The following RTKN2 variants were observed in gnomAD, a reference collection of about 807,000 sequenced individuals.
The protein encoded by RTKN2 is rhotekin-2.
RTKN2 carries 69 observed loss-of-function variants against 71.5 expected under a neutral mutation model. The observed-to-expected ratio is 0.96, with a 90% CI of 0.79 to 1.18. RTKN2 has a LOEUF of 1.18. Ranked by LOEUF, RTKN2 falls within the 50% of genes most tolerant of loss-of-function variation. The probability of loss-of-function intolerance (pLI) is 0.00; values close to 1 mark genes in which losing one functional copy is unlikely to be tolerated. For synonymous variants in RTKN2, 236 were observed against 236.5 expected, an observed-to-expected ratio of 1.00 and a Z score of 0.02; for missense variants, 724 against 719.7, an observed-to-expected ratio of 1.01 and a Z score of -0.07.
downstream of RTKN2, among the ~76,000 whole-genome samples, chr10:62,192,622 C>A (rs1158989703): frequency 6.6e-6 from 1 of 152,206 alleles, no homozygotes; most frequent in Non-Finnish European, 1.5e-5. Flanking sequence ...TTGGGAGCAG[C>A]TGAAATAGTC....
chr10:62,184,918 C>T (rs903580498), intron 8 of RTKN2, among the ~76,000 whole-genome samples: 1 of 152,134 alleles, frequency 6.6e-6, no homozygotes, highest in Non-Finnish European at 1.5e-5. Flanking sequence ...TTGCCTGAAG[C>T]TCAATTAGAA....
At chr10:62,218,914 A>C (rs941567965) in intron 7 of RTKN2, among the ~76,000 whole-genome samples, 5 of 152,164 alleles carry the variant, frequency 3.3e-5, no homozygotes, top group African/African-American at 1.2e-4. Flanking sequence ...TGAGCCCAGG[A>C]GGCGGAGGTT....
In RTKN2 at chr10:62,195,448, A is replaced by AT. The variant is rs534758148; in HGVS notation, c.*2459dup. On this transcript the variant is annotated 3_prime_UTR_variant, in exon 12 of 12. Transcript: ENST00000373789. ...TGACACAGTGCTTAACTATTTTTAG[A>AT]TTTTTTTTTTAAACTGTAAAGGAAG... is the stretch of plus-strand genomic sequence containing the variant. 6.9e-4 allele frequency: 644 copies of AT among 931,174 alleles called. No homozygotes were observed. The highest frequency in any genetic ancestry group is 1.4e-3 in the South Asian group (27 of 19,636). 57.7% of individuals were successfully genotyped at this position (931,174 alleles called of 1,614,324 possible).
chr10:62,211,005 CTAAA>C (rs1841648255), intron 9 of RTKN2, among the ~76,000 whole-genome samples: 1 of 152,044 alleles, frequency 6.6e-6, no homozygotes. Flanking sequence ...GTCTACTACA[CTAAA>C]TAGTGTTATT....
At chr10:62,255,264 A>G (rs1334884327) in intron 2 of RTKN2, among the ~76,000 whole-genome samples, 1 of 152,188 alleles carries the variant, frequency 6.6e-6, no homozygotes. Flanking sequence ...ATGTCCACTG[A>G]AAAAGCCTAG....
At chr10:62,228,021 A>G (rs1311896342) in intron 6 of RTKN2, among the ~76,000 whole-genome samples, 1 of 152,204 alleles carries the variant, frequency 6.6e-6, no homozygotes, top group African/African-American at 2.4e-5. Flanking sequence ...AATAAGTTTA[A>G]GACTGTTTTT....
intron 5 of RTKN2, among the ~76,000 whole-genome samples, chr10:62,237,482 A>G (rs958034922): frequency 2.0e-5 from 3 of 152,056 alleles, no homozygotes; most frequent in South Asian, 4.1e-4. Context: ...AATTTAACCA[A>G]TATATACATA....
chr10:62,254,413 A>G (rs1429247976), intron 2 of RTKN2, among the ~76,000 whole-genome samples: 1 of 152,166 alleles, frequency 6.6e-6, no homozygotes, highest in Non-Finnish European at 1.5e-5. Context: ...CCTCCAAGCC[A>G]TGCTTCCTGT....
chr10:62,266,095 C>A (rs946166472), intron 1 of RTKN2, among the ~76,000 whole-genome samples: 10 of 152,178 alleles, frequency 6.6e-5, no homozygotes, highest in Non-Finnish European at 1.3e-4. Context: ...TGCCTCTAAT[C>A]AAGTCAAACA....
intron 6 of RTKN2, among the ~76,000 whole-genome samples, chr10:62,228,983 A>C (rs142004763): frequency 6.6e-6 from 1 of 152,188 alleles, no homozygotes; most frequent in Non-Finnish European, 1.5e-5. Flanking sequence ...AGACTATAGA[A>C]ACAGTAGAAT....
chr10:62,266,367 A>C (rs957664205), intron 1 of RTKN2, among the ~76,000 whole-genome samples: 33 of 152,202 alleles, frequency 2.2e-4, no homozygotes, highest in African/African-American at 7.5e-4. Context: ...TCAAGACAGA[A>C]ACTATGATTC....
At chr10:62,266,150 G>C (rs1842865147) in intron 1 of RTKN2, among the ~76,000 whole-genome samples, 1 of 152,194 alleles carries the variant, frequency 6.6e-6, no homozygotes, top group Non-Finnish European at 1.5e-5. Flanking sequence ...TTAAAGTCAG[G>C]CTGATAAAAA....
At chr10:62,237,952 T>A (rs1393947973) in intron 5 of RTKN2, among the ~76,000 whole-genome samples, 2 of 151,854 alleles carry the variant, frequency 1.3e-5, no homozygotes, top group Non-Finnish European at 2.9e-5. Flanking sequence ...CGAACTACCT[T>A]TGAACTACCT....
intron 1 of RTKN2, among the ~76,000 whole-genome samples, chr10:62,268,349 G>A (rs1842903253): frequency 6.6e-6 from 1 of 152,270 alleles, no homozygotes; most frequent in African/African-American, 2.4e-5. Context: ...GACCTCAGCT[G>A]CCTGAGAAAC....
chr10:62,268,687 C>A lies in RTKN2; in HGVS notation c.-77G>T. On this transcript the variant is annotated 5_prime_UTR_variant, in exon 1 of 12. Transcript: ENST00000373789. ...AAAAGCCCGCCCCTGGCAGGAGCCG[C>A]AGAGGACGCCAACCGCCCGGCCGTA... 6.9e-7 allele frequency: 1 copy of A among 1,439,164 alleles called. No individual in the cohort carries two copies. The highest frequency in any genetic ancestry group is 9.5e-7 in the Non-Finnish European group (1 of 1,055,646). The allele number at this position is 1,439,164 out of a possible 1,614,324, so 89.1% of individuals were successfully genotyped here.
intron 2 of RTKN2, among the ~76,000 whole-genome samples, chr10:62,249,777 C>T (rs1842544873): frequency 6.6e-6 from 1 of 152,000 alleles, no homozygotes; most frequent in Non-Finnish European, 1.5e-5. Context: ...TAAATGTATC[C>T]TATGTCATTC....
chr10:62,189,044 G>A (rs1293757756), downstream of RTKN2, among the ~76,000 whole-genome samples: 1 of 144,262 alleles, frequency 6.9e-6, no homozygotes, highest in Admixed American at 7.2e-5. Flanking sequence ...CACTGCGCCC[G>A]GCCATATTTC....
intron 1 of RTKN2, 37 bp downstream of exon 1, chr10:62,268,514 C>G: frequency 6.5e-7 from 1 of 1,544,020 alleles, no homozygotes; most frequent in Non-Finnish European, 8.8e-7. Flanking sequence ...ACCCCGGCTC[C>G]CTCACCTTCC....
At chr10:62,213,140 C>T (rs1042237667) in intron 9 of RTKN2, among the ~76,000 whole-genome samples, 2 of 152,158 alleles carry the variant, frequency 1.3e-5, no homozygotes, top group Non-Finnish European at 2.9e-5. Flanking sequence ...GAAAATCACC[C>T]AGAATCTTCC....
Sources: allele counts gnomAD v4.1 joint callset (sites outside exome capture counted in the v4.1 genomes callset), GRCh38; gene constraint gnomAD v4.1.1; transcripts MANE v1.5; gene names NCBI Gene and HGNC (gene_info 2026-07-23, HGNC 2026-07-21).